The following CCSER1 variants were observed in gnomAD, a reference collection of about 807,000 sequenced individuals.
CCSER1 encodes the protein serine-rich coiled-coil domain-containing protein 1.
Under a neutral mutation model 82.0 loss-of-function variants are expected in CCSER1, and 41 were observed. The ratio of observed to expected loss-of-function variants is 0.50; its 90% CI spans 0.39 to 0.65. The LOEUF (loss-of-function observed/expected upper bound fraction) is 0.65. Ranked by LOEUF, CCSER1 falls within the 30% of genes least tolerant of loss-of-function variation. The pLI, the probability that CCSER1 is intolerant of heterozygous loss-of-function variation, is 0.00. For synonymous variants in CCSER1, 414 were observed against 383.9 expected, an observed-to-expected ratio of 1.08 and a Z score of -0.92; for missense variants, 1,119 against 1,064.2, an observed-to-expected ratio of 1.05 and a Z score of -0.72.
chr4:90,183,765 T>G (rs1734122866), intron 1 of CCSER1, among the ~76,000 whole-genome samples: 1 of 152,148 alleles, frequency 6.6e-6, no homozygotes, highest in Non-Finnish European at 1.5e-5. Flanking sequence ...CTGGCAGTGT[T>G]AAGGACAATT....
intron 10 of CCSER1, among the ~76,000 whole-genome samples, chr4:91,287,784 C>G (rs1192173549): frequency 1.3e-5 from 2 of 151,808 alleles, no homozygotes; most frequent in Admixed American, 6.6e-5. Flanking sequence ...CCACATACCA[C>G]AGGAAGAGGC....
intron 3 of CCSER1, among the ~76,000 whole-genome samples, chr4:90,323,252 G>A (rs1239951083): frequency 6.6e-6 from 1 of 152,134 alleles, no homozygotes; most frequent in East Asian, 1.9e-4. Flanking sequence ...GCTGCCACAG[G>A]TGTTGTCTCA....
At chr4:91,214,790 A>G (rs943210730) in intron 10 of CCSER1, among the ~76,000 whole-genome samples, 4 of 152,172 alleles carry the variant, frequency 2.6e-5, no homozygotes, top group African/African-American at 9.6e-5. Flanking sequence ...AAGACTATTT[A>G]TATATCAAAA....
chr4:91,312,411 A>G (rs1227789248), intron 10 of CCSER1, among the ~76,000 whole-genome samples: 1 of 83,630 alleles, frequency 1.2e-5, no homozygotes. Context: ...AGCTGTAGAC[A>G]TATACTGTAT....
intron 10 of CCSER1, among the ~76,000 whole-genome samples, chr4:91,317,590 G>A (rs779182587): frequency 5.5e-4 from 71 of 128,214 alleles, no homozygotes; most frequent in Non-Finnish European, 3.0e-4. Context: ...AAGTATATAC[G>A]TGTGTGTGTG....
intron 1 of CCSER1, among the ~76,000 whole-genome samples, chr4:90,300,622 A>G (rs1369342825): frequency 8.5e-5 from 13 of 152,164 alleles, no homozygotes; most frequent in Admixed American, 8.5e-4. Flanking sequence ...ATGAAAAAAT[A>G]TGAGGGGTGT....
chr4:91,133,767 G>A (rs145094997), intron 10 of CCSER1, among the ~76,000 whole-genome samples: 219 of 152,246 alleles, frequency 1.4e-3, no homozygotes, highest in Non-Finnish European at 2.3e-3. Context: ...CAGGGATGGG[G>A]CAATGAAAGT....
intron 9 of CCSER1, among the ~76,000 whole-genome samples, chr4:91,068,918 C>T (rs1048910591): frequency 6.6e-6 from 1 of 152,236 alleles, no homozygotes; most frequent in African/African-American, 2.4e-5. Flanking sequence ...CATGGTGGCT[C>T]ATGCCTGTAA....
At chr4:90,424,060 C>T (rs2153562451) in intron 4 of CCSER1, among the ~76,000 whole-genome samples, 1 of 149,364 alleles carries the variant, frequency 6.7e-6, no homozygotes, top group Middle Eastern at 3.5e-3. Context: ...CACTGCGCTC[C>T]AGCCTGGGTG....
At chr4:91,176,323 A>G (rs1733354220) in intron 10 of CCSER1, among the ~76,000 whole-genome samples, 1 of 152,164 alleles carries the variant, frequency 6.6e-6, no homozygotes, top group Admixed American at 6.5e-5. Flanking sequence ...TTTTGGTTCC[A>G]TATGTACTTT....
intron 10 of CCSER1, among the ~76,000 whole-genome samples, chr4:91,462,605 C>G (rs2149432861): frequency 6.6e-6 from 1 of 152,224 alleles, no homozygotes; most frequent in East Asian, 1.9e-4. Context: ...ATTCCCTTTC[C>G]TAGCCAAGGG....
intron 10 of CCSER1, among the ~76,000 whole-genome samples, chr4:91,163,442 T>G (rs1479099529): frequency 6.6e-6 from 1 of 151,956 alleles, no homozygotes; most frequent in Non-Finnish European, 1.5e-5. Flanking sequence ...AGATGTCTAT[T>G]AGGTCTGCTT....
chr4:91,259,203 C>T (rs1051725688), intron 10 of CCSER1, among the ~76,000 whole-genome samples: 4 of 152,000 alleles, frequency 2.6e-5, no homozygotes, highest in Admixed American at 2.6e-4. Flanking sequence ...TGAAAGTTGC[C>T]TTAAAGATGC....
At chr4:91,082,714 G>GA (rs1268512405) in intron 9 of CCSER1, among the ~76,000 whole-genome samples, 3 of 151,988 alleles carry the variant, frequency 2.0e-5, no homozygotes, top group East Asian at 1.9e-4. Flanking sequence ...AGATTTACAA[G>GA]AAAAAATCAA....
intron 6 of CCSER1, among the ~76,000 whole-genome samples, chr4:90,685,305 G>C (rs1734624835): frequency 2.0e-5 from 3 of 152,218 alleles, no homozygotes; most frequent in African/African-American, 7.2e-5. Flanking sequence ...CAAAGAAAAA[G>C]AGGAACTGCC....
chr4:90,175,695 G>A (rs986198655), intron 1 of CCSER1, among the ~76,000 whole-genome samples: 2 of 151,972 alleles, frequency 1.3e-5, no homozygotes, highest in African/African-American at 4.8e-5. Context: ...TTCTCAACCT[G>A]TATATGTAAA....
chr4:91,444,601 CA>C (rs1320675065), intron 10 of CCSER1, among the ~76,000 whole-genome samples: 1 of 152,024 alleles, frequency 6.6e-6, no homozygotes, highest in Non-Finnish European at 1.5e-5. Context: ...AGGCGCCCAC[CA>C]CCACACCTGG....
chr4:90,782,774 CG>C (rs1442382955), intron 7 of CCSER1, among the ~76,000 whole-genome samples: 3 of 150,686 alleles, frequency 2.0e-5, no homozygotes, highest in Admixed American at 6.6e-5. Flanking sequence ...CTCCACCTCC[CG>C]GGTTCACGCC....
At chr4:91,064,493 A>T (rs1400881541) in intron 9 of CCSER1, among the ~76,000 whole-genome samples, 1 of 152,228 alleles carries the variant, frequency 6.6e-6, no homozygotes, top group Non-Finnish European at 1.5e-5. Flanking sequence ...CCGGCAATTA[A>T]ATACAGCAAC....
Sources: gnomAD v4.1 joint callset for allele counts (sites outside exome capture counted in the v4.1 genomes callset) on GRCh38, gnomAD v4.1.1 for gene constraint, MANE v1.5 for transcripts, NCBI Gene and HGNC (gene_info 2026-07-23, HGNC 2026-07-21) for gene names.